ATXN1: variants seen among roughly 807,000 people sequenced by gnomAD.
ATXN1 encodes ataxin-1.
ATXN1 carries 8 observed loss-of-function variants against 56.4 expected under a neutral mutation model. The ratio of observed to expected loss-of-function variants is 0.14; its 90% CI spans 0.08 to 0.26. The LOEUF (loss-of-function observed/expected upper bound fraction) is 0.26. ATXN1 is among the 10% of genes least tolerant of loss of function. The pLI is 1.00. For missense variants in ATXN1, 987 were observed against 1,106.5 expected (o/e 0.89, Z 1.53); for synonymous variants, 514 against 494.6 (o/e 1.04, Z -0.52).
At chr6:16,383,247 T>C (rs746552830) in intron 6 of ATXN1, among the ~76,000 whole-genome samples, 41 of 152,240 alleles carry the variant, frequency 2.7e-4, no homozygotes, top group Non-Finnish European at 5.3e-4. Flanking sequence ...TATGACTTGC[T>C]ATATTTTTCT....
chr6:16,606,064 GGCT>G (rs1762998888), intron 3 of ATXN1, among the ~76,000 whole-genome samples: 1 of 152,136 alleles, frequency 6.6e-6, no homozygotes, highest in South Asian at 2.1e-4. Flanking sequence ...AGGAGTTCAA[GGCT>G]GCTGTGAGGT....
Position 16,694,240 on chromosome 6 carries a change from T to C in ATXN1, c.-614-36339A>G, listed in dbSNP as rs1759109206. 4.9e-5 allele frequency among the ~76,000 whole-genome samples: 7 copies of C among 142,324 alleles called. No homozygotes were observed. The South Asian group carries it at 1.3e-3, about 27-fold the overall frequency. The allele number at this position is 142,324 out of a possible 152,430, so 93.4% of individuals were successfully genotyped here. A position where few individuals can be genotyped will look rare whatever the true frequency, so the allele number is the denominator to read the frequency against. On this transcript the variant is annotated intron_variant, in intron 2 of 7. Transcript: ENST00000436367. ...TTTACTGGGTAAGTTTTGTCACTTCTTTTTTTTTTTTCTTTTTTTTTTTTT... is the reference window on the plus strand; with the variant it reads ...TTTACTGGGTAAGTTTTGTCACTTCCTTTTTTTTTTTCTTTTTTTTTTTTT...
At chr6:16,606,305 G>A (rs1197190071) in intron 3 of ATXN1, among the ~76,000 whole-genome samples, 1 of 152,130 alleles carries the variant, frequency 6.6e-6, no homozygotes, top group African/African-American at 2.4e-5. Context: ...GTGCTGCTAA[G>A]AAAGCCTCAC....
chr6:16,365,200 A>G (rs1761894232), intron 6 of ATXN1, among the ~76,000 whole-genome samples: 1 of 152,088 alleles, frequency 6.6e-6, no homozygotes, highest in South Asian at 2.1e-4. Flanking sequence ...TTATTGAGAC[A>G]AAGTCTCACT....
chr6:16,659,732 C>T (rs1157231502), intron 2 of ATXN1, among the ~76,000 whole-genome samples: 1 of 152,142 alleles, frequency 6.6e-6, no homozygotes, highest in Non-Finnish European at 1.5e-5. Context: ...GAAAAATTTA[C>T]CAGTAGCATG....
At chr6:16,358,912 C>T (rs1013455364) in intron 6 of ATXN1, among the ~76,000 whole-genome samples, 2 of 152,116 alleles carry the variant, frequency 1.3e-5, no homozygotes, top group African/African-American at 4.8e-5. Flanking sequence ...AGGCAGGAGC[C>T]AGGAACAAGC....
chr6:16,574,088 C>T (rs942650084), intron 4 of ATXN1, among the ~76,000 whole-genome samples: 13 of 151,962 alleles, frequency 8.6e-5, no homozygotes, highest in African/African-American at 2.4e-4. Flanking sequence ...GTGCAGTGGC[C>T]GGATCTCAGC....
chr6:16,611,043 A>G (rs1210096320), intron 3 of ATXN1, among the ~76,000 whole-genome samples: 4 of 152,100 alleles, frequency 2.6e-5, no homozygotes, highest in Non-Finnish European at 5.9e-5. Context: ...AGAAAAATAT[A>G]TACACATATA....
At chr6:16,639,646 C>G (rs1763670487) in intron 3 of ATXN1, among the ~76,000 whole-genome samples, 1 of 152,088 alleles carries the variant, frequency 6.6e-6, no homozygotes, top group Non-Finnish European at 1.5e-5. Context: ...TTTGGAGCTC[C>G]AAGGGGCCAG....
At chr6:16,680,282 GTAAC>G (rs1297069811) in intron 2 of ATXN1, among the ~76,000 whole-genome samples, 1 of 152,132 alleles carries the variant, frequency 6.6e-6, no homozygotes, top group Non-Finnish European at 1.5e-5. Flanking sequence ...TTGGGACACT[GTAAC>G]TAATTATCAC....
At chr6:16,480,287 C>A (rs1360726070) in intron 6 of ATXN1, among the ~76,000 whole-genome samples, 2 of 151,962 alleles carry the variant, frequency 1.3e-5, no homozygotes, top group Admixed American at 6.6e-5. Context: ...GGAAGGAAAG[C>A]TCTGGCTCTG....
In ATXN1 at chr6:16,459,278, G is replaced by A. The variant is rs182821909; in HGVS notation, c.-161+26694C>T. Among the ~76,000 whole-genome samples the A allele has an allele frequency of 4.5e-3, 692 of 152,198 alleles. 4 individuals carry two copies. The highest frequency in any genetic ancestry group is 0.01 in the Middle Eastern group (3 of 294). On this transcript the variant is annotated intron_variant, in intron 6 of 7. Transcript: ENST00000436367. The stretch of plus-strand genomic sequence containing the variant: ...AGTCTGGGCATTGGAAGGACAATTC[G>A]GAAAGGCAAAAAATGCCCACCCAGT...
chr6:16,575,760 G>A (rs1198352198), intron 4 of ATXN1, among the ~76,000 whole-genome samples: 1 of 152,184 alleles, frequency 6.6e-6, no homozygotes, highest in East Asian at 1.9e-4. Context: ...AAAAGTATTA[G>A]GCAAGTACAG....
At chr6:16,573,942 C>T (rs1762376482) in intron 4 of ATXN1, among the ~76,000 whole-genome samples, 1 of 152,210 alleles carries the variant, frequency 6.6e-6, no homozygotes, top group African/African-American at 2.4e-5. Flanking sequence ...CACTGGCACC[C>T]CATTACAAAT....
intron 6 of ATXN1, among the ~76,000 whole-genome samples, chr6:16,373,029 G>A (rs950972626): frequency 4.6e-5 from 7 of 152,190 alleles, no homozygotes; most frequent in Admixed American, 3.9e-4. Context: ...GTAGGAAGGG[G>A]ACATGTGATA....
At chr6:16,431,891 G>T (rs1264170700) in intron 6 of ATXN1, among the ~76,000 whole-genome samples, 1 of 152,124 alleles carries the variant, frequency 6.6e-6, no homozygotes, top group East Asian at 1.9e-4. Flanking sequence ...CAGGATGGGG[G>T]CAAAAGCAGA....
intron 3 of ATXN1, among the ~76,000 whole-genome samples, chr6:16,653,942 G>C (rs1386882367): frequency 1.3e-5 from 2 of 152,170 alleles, no homozygotes; most frequent in Admixed American, 1.3e-4. Context: ...TTTTCAGATA[G>C]TTATTCTCAA....
At chr6:16,432,737 G>T (rs1185824939) in intron 6 of ATXN1, 3 of 148,858 alleles carry the variant, frequency 2.0e-5, no homozygotes, top group Non-Finnish European at 3.0e-5. Context: ...CAATGATCTA[G>T]AAGAAGCAGA....
At chr6:16,439,386 A>AGG (rs1277079678) in intron 6 of ATXN1, among the ~76,000 whole-genome samples, 3 of 754 alleles carry the variant, frequency 4.0e-3, no homozygotes, top group Non-Finnish European at 7.1e-3. Flanking sequence ...GGCGGGAATA[A>AGG]GGGTTGGGGT....
Sources: allele counts gnomAD v4.1 joint callset (sites outside exome capture counted in the v4.1 genomes callset), GRCh38; gene constraint gnomAD v4.1.1; transcripts MANE v1.5; gene names NCBI Gene and HGNC (gene_info 2026-07-23, HGNC 2026-07-21).